Variants in SYNE2 observed in about 807,000 individuals in gnomAD.
The protein encoded by SYNE2 is spectrin repeat containing nuclear envelope protein 2, also known as nesprin-2.
In SYNE2, 431 loss-of-function variants were observed where a neutral mutation model predicts 856.3. That is an observed-to-expected ratio of 0.50 (90% CI 0.47 to 0.55). The LOEUF is 0.55. Ranked by LOEUF, SYNE2 falls within the 20% of genes least tolerant of loss-of-function variation. The pLI, the probability that SYNE2 is intolerant of heterozygous loss-of-function variation, is 0.00. For synonymous variants in SYNE2, 2,923 were observed against 2,872.3 expected, an observed-to-expected ratio of 1.02 and a Z score of -0.56; for missense variants, 8,129 against 8,023.2, an observed-to-expected ratio of 1.01 and a Z score of -0.50.
chr14:63,898,582 T>G (rs1436935839), intron 1 of SYNE2, among the ~76,000 whole-genome samples: 1 of 152,108 alleles, frequency 6.6e-6, no homozygotes, highest in African/African-American at 2.4e-5. Flanking sequence ...TTTTTGTTTT[T>G]TTTTGTAGAG....
intron 76 of SYNE2, 139 bp downstream of exon 76, chr14:64,130,387 T>C: frequency 1.2e-6 from 1 of 821,196 alleles, no homozygotes; most frequent in Non-Finnish European, 2.0e-6. Flanking sequence ...TCTATTAGAA[T>C]GCTTAATGTG....
Position 64,165,285 on chromosome 14 carries a change from T to C in SYNE2, c.16480T>C (p.Phe5494Leu), listed in dbSNP as rs769288347. ...MLLVKANEFE[F>L]VLSQFKDFGV... is the part of the protein sequence containing the mutation. ...CTAATGAAAATTTCTCTTGTTCTAG[T>C]TTGTTCTCTCACAGTTTAAGGATTT... The change falls in exon 90 of 116, where the codon TTT becomes CTT. Residue 5494 changes from phenylalanine to leucine, a missense_variant and splice_region_variant. Physicochemically the swap from Phe to Leu is conservative, Grantham distance 22 (BLOSUM62 0). This residue lies in a region of SYNE2 where 5,410 missense variants were observed against 5,284.8 expected (regional missense o/e 1.02). Transcript: ENST00000555002. The C allele has an allele frequency of 6.2e-7, 1 of 1,613,696 alleles. No individual in the cohort carries two copies. Among genetic ancestry groups the C allele is most frequent in the Admixed American group, 1.7e-5 (1 of 60,028 alleles).
chr14:64,219,498 T>G (rs2140357676), intron 110 of SYNE2, 88 bp downstream of exon 110: 1 of 1,316,096 alleles, frequency 7.6e-7, no homozygotes, highest in East Asian at 2.3e-5. Flanking sequence ...CATGTATTCG[T>G]GGCATAGGCG....
chr14:64,147,307 C>T (rs2098196255), intron 84 of SYNE2, among the ~76,000 whole-genome samples: 1 of 152,208 alleles, frequency 6.6e-6, no homozygotes, highest in South Asian at 2.1e-4. Flanking sequence ...AGCCTCCTCC[C>T]TCATTTCCTT....
At chr14:63,986,320 A>G in intron 18 of SYNE2, 136 bp from the exon 19 acceptor site, 3 of 923,622 alleles carry the variant, frequency 3.2e-6, no homozygotes, top group Non-Finnish European at 5.0e-6. Context: ...GACTGGTCAC[A>G]AACTCCTAGC....
At chr14:63,939,847 A>C (rs2095881977) in intron 2 of SYNE2, among the ~76,000 whole-genome samples, 1 of 152,206 alleles carries the variant, frequency 6.6e-6, no homozygotes, top group Non-Finnish European at 1.5e-5. Context: ...CTCTCTGACT[A>C]ATTACAGCCC....
At chr14:64,121,622 T>C (rs1026516295) in intron 68 of SYNE2, among the ~76,000 whole-genome samples, 2 of 152,196 alleles carry the variant, frequency 1.3e-5, no homozygotes, top group African/African-American at 2.4e-5. Context: ...CTCTGAGAGT[T>C]TTCAGCATTT....
chr14:64,221,740 G>A, intron 112 of SYNE2, 36 bp downstream of exon 112: 1 of 1,611,930 alleles, frequency 6.2e-7, no homozygotes, highest in Non-Finnish European at 8.5e-7. Context: ...ACTGCCACCA[G>A]CCTCTGTCAG....
chr14:63,941,650 T>A, intron 3 of SYNE2, 45 bp from the exon 4 acceptor site: 3 of 1,537,994 alleles, frequency 2.0e-6, no homozygotes, highest in Non-Finnish European at 2.7e-6. Flanking sequence ...GGTATTCTTT[T>A]TGGACCAAAG....
At chr14:63,923,252 C>T (rs765784906) in intron 2 of SYNE2, among the ~76,000 whole-genome samples, 14 of 152,130 alleles carry the variant, frequency 9.2e-5, no homozygotes, top group Non-Finnish European at 2.1e-4. Flanking sequence ...GACTTGCTTA[C>T]GCAGAGAGCC....
At chr14:64,161,212 A>G (rs1024564574) in intron 87 of SYNE2, among the ~76,000 whole-genome samples, 1 of 151,920 alleles carries the variant, frequency 6.6e-6, no homozygotes, top group Non-Finnish European at 1.5e-5. Context: ...GCGTGGTGGC[A>G]TGCACCTGTG....
upstream of SYNE2, chr14:63,848,351 C>T (rs71416318): frequency 0.047 from 7,185 of 152,352 alleles, 219 homozygotes; most frequent in Middle Eastern, 0.092. Flanking sequence ...CACCACTGCA[C>T]TCAGACCAGC....
chr14:63,958,041 CA>C (rs945403486), intron 8 of SYNE2, among the ~76,000 whole-genome samples: 1 of 149,030 alleles, frequency 6.7e-6, no homozygotes, highest in African/African-American at 2.5e-5. Flanking sequence ...GACTCCATCT[CA>C]AAAAAAACAA....
Position 64,006,357 on chromosome 14 carries a change from C to CT in SYNE2, c.4398-684dup, listed in dbSNP as rs780181032. 7.1e-5 allele frequency among the ~76,000 whole-genome samples: 9 copies of CT among 126,802 alleles called. 1 individual carries two copies. Among genetic ancestry groups the CT allele is most frequent in the Non-Finnish European group, 1.6e-4 (9 of 57,752 alleles). The allele number at this position is 126,802 out of a possible 152,430, so 83.2% of individuals were successfully genotyped here. A position where few individuals can be genotyped will look rare whatever the true frequency, so the allele number is the denominator to read the frequency against. On this transcript the variant is annotated intron_variant, in intron 30 of 115. Coordinates refer to ENST00000555002, the MANE Select transcript of SYNE2 (RefSeq NM_182914.3). ...GATCCTGCAGTTCTTGGTCATTCAC[C>CT]TTCTCCTCTTCTCCTATATCATGCT...
chr14:63,773,362 G>A (rs1485892874), intron 1 of SYNE2, among the ~76,000 whole-genome samples: 1 of 151,746 alleles, frequency 6.6e-6, no homozygotes, highest in Admixed American at 6.6e-5. Context: ...ACCATGCCCT[G>A]AGAATTTTTG....
At chr14:64,109,805 A>G (rs1182535456) in intron 65 of SYNE2, among the ~76,000 whole-genome samples, 1 of 152,160 alleles carries the variant, frequency 6.6e-6, no homozygotes, top group Non-Finnish European at 1.5e-5. Flanking sequence ...TGAGAAGGAA[A>G]GTGGGGACTT....
In SYNE2 at chr14:64,053,276, A is replaced by G. The variant is rs2097241137; in HGVS notation, c.9363A>G (p.Leu3121=). 1 of 1,609,016 alleles carries G rather than the reference A, an allele frequency of 6.2e-7. No homozygotes were observed. The highest frequency in any genetic ancestry group is 8.5e-7 in the Non-Finnish European group (1 of 1,178,560). Residue 3121 remains leucine (L), a synonymous_variant, in exon 48 of 116, where the codon CTA becomes CTG. Transcript: ENST00000555002. The stretch of plus-strand genomic sequence containing the variant: ...ACTCATTCAAGGAGAAAGAAATACT[A>G]CAAATAAAGCTGAATGCAGAAGAAA... ...FDDSFKEKEI[L]QIKLNAEEND... is the part of the protein sequence containing the mutation.
intron 11 of SYNE2, among the ~76,000 whole-genome samples, chr14:63,972,072 A>G (rs943643682): frequency 6.6e-6 from 1 of 152,192 alleles, no homozygotes; most frequent in Admixed American, 6.5e-5. Flanking sequence ...CCAGTGGCTT[A>G]AAAGAGCCAC....
rs143798878 is a variant in SYNE2 at position 64,129,833 on chromosome 14, A to G, written c.14071A>G (p.Lys4691Glu). Residue 4691 changes from lysine to glutamate, a missense_variant, in exon 75 of 116, where the codon AAA becomes GAA. By Grantham distance (56) the Lys-to-Glu change is moderately conservative (BLOSUM62 1). Around this residue, in one of 3 missense-constraint regions of SYNE2, gnomAD observed 5,410 missense variants for 5,284.8 expected, o/e 1.02. Coordinates refer to ENST00000555002, the MANE Select transcript of SYNE2 (RefSeq NM_182914.3). ...ELENAESRVA[K>E]LRDEGERLHL... is the part of the protein sequence containing the mutation. ...GGAGAACGCCGAGAGCCGAGTGGCC[A>G]AACTAAGAGATGAAGGGGAGAGGCT... The G allele has an allele frequency of 1.7e-4, 273 of 1,614,096 alleles. 1 individual carries two copies. Among genetic ancestry groups the G allele is most frequent in the Non-Finnish European group, 2.2e-4 (264 of 1,180,044 alleles).
Sources: allele counts gnomAD v4.1 joint callset (sites outside exome capture counted in the v4.1 genomes callset), GRCh38; gene constraint gnomAD v4.1.1; regional missense constraint gnomAD v4.1.1; transcripts MANE v1.5; gene names NCBI Gene and HGNC (gene_info 2026-07-23, HGNC 2026-07-21).